The following PRKN variants were observed in gnomAD, a reference collection of about 807,000 sequenced individuals.
PRKN encodes parkin RBR E3 ubiquitin protein ligase.
A neutral mutation model predicts 59.5 loss-of-function variants in PRKN; 56 were observed. The ratio of observed to expected loss-of-function variants is 0.94; its 90% confidence interval spans 0.76 to 1.18. The LOEUF (loss-of-function observed/expected upper bound fraction) is 1.18. Ranked by LOEUF, PRKN falls within the 50% of genes most tolerant of loss-of-function variation. The pLI, the probability that PRKN is intolerant of heterozygous loss-of-function variation, is 0.00. For missense variants in PRKN, 657 were observed against 596.4 expected (o/e 1.10, Z -1.06); for synonymous variants, 250 against 222.1 (o/e 1.13, Z -1.12).
intron 9 of PRKN, among the ~76,000 whole-genome samples, chr6:161,450,702 GCC>G (rs1482187741): frequency 1.6e-4 from 24 of 152,046 alleles, no homozygotes; most frequent in African/African-American, 5.5e-4. Flanking sequence ...GACTACAGGT[GCC>G]CGCCACCACA....
intron 1 of PRKN, among the ~76,000 whole-genome samples, chr6:162,607,596 T>C (rs898366959): frequency 2.6e-5 from 4 of 151,498 alleles, no homozygotes; most frequent in African/African-American, 9.7e-5. Context: ...ATGGAAAACA[T>C]CCCACTGATA....
intron 4 of PRKN, among the ~76,000 whole-genome samples, chr6:162,140,447 A>G (rs761694740): frequency 5.3e-5 from 8 of 152,224 alleles, no homozygotes; most frequent in Non-Finnish European, 1.0e-4. Context: ...GAAGAAAAGC[A>G]ATCGTGACAA....
At chr6:161,755,882 A>G (rs539902675) in intron 7 of PRKN, among the ~76,000 whole-genome samples, 7 of 152,242 alleles carry the variant, frequency 4.6e-5, no homozygotes, top group Non-Finnish European at 1.0e-4. Context: ...ACAGGCCAGC[A>G]CAAGTGGCTA....
At position 161,498,989 on chromosome 6, in the gene PRKN, C is replaced by T. The variant is rs552324467; in HGVS notation, c.1083+49865G>A. Among the ~76,000 whole-genome samples the T allele has an allele frequency of 2.0e-5, 3 of 152,186 alleles. No individual in the cohort carries two copies. Among genetic ancestry groups the T allele is most frequent in the East Asian group, 3.9e-4 (2 of 5,172 alleles). On this transcript the variant is annotated intron_variant, in intron 9 of 11. Transcript: ENST00000366898. The surrounding 1 kb of genome is among the most constrained non-coding windows in gnomAD (Gnocchi z 4.2). ...CTTCTTTATCTTCTACTGAAGCCCC[C>T]GATGCTTTGCAACCTCCGCACATTT...
intron 9 of PRKN, among the ~76,000 whole-genome samples, chr6:161,408,770 A>G (rs1055810621): frequency 6.6e-6 from 1 of 152,114 alleles, no homozygotes; most frequent in Non-Finnish European, 1.5e-5. Context: ...GCATTAAAAA[A>G]GAATCCACAA....
At chr6:161,496,546 A>G (rs1448669589) in intron 9 of PRKN, among the ~76,000 whole-genome samples, 5 of 152,024 alleles carry the variant, frequency 3.3e-5, no homozygotes, top group Non-Finnish European at 7.4e-5. Flanking sequence ...TGTGCAGGGG[A>G]CCTCCCCTTT....
At chr6:161,873,722 T>A (rs1328318198) in intron 6 of PRKN, among the ~76,000 whole-genome samples, 1 of 151,634 alleles carries the variant, frequency 6.6e-6, no homozygotes, top group African/African-American at 2.4e-5. Context: ...CAAAAAAAAT[T>A]CCTGTTTCCC....
intron 9 of PRKN, among the ~76,000 whole-genome samples, chr6:161,455,009 G>T (rs533563799): frequency 6.6e-6 from 1 of 151,160 alleles, no homozygotes; most frequent in East Asian, 1.9e-4. Context: ...TTCTTGAGAC[G>T]ATGGACTGTC....
intron 7 of PRKN, among the ~76,000 whole-genome samples, chr6:161,768,978 G>A (rs905933647): frequency 6.6e-6 from 1 of 152,104 alleles, no homozygotes; most frequent in Admixed American, 6.6e-5. Flanking sequence ...CTGGTTTTGT[G>A]CAATAGATCT....
intron 7 of PRKN, among the ~76,000 whole-genome samples, chr6:161,634,400 T>G (rs1163487472): frequency 6.6e-6 from 1 of 152,190 alleles, no homozygotes; most frequent in African/African-American, 2.4e-5. Context: ...GGCTCAGCAC[T>G]GACCTGTGGC....
chr6:162,485,039 G>A (rs141656614), intron 1 of PRKN, among the ~76,000 whole-genome samples: 82 of 152,232 alleles, frequency 5.4e-4, no homozygotes, highest in African/African-American at 1.8e-3. Flanking sequence ...TTATTAATGT[G>A]AATGTAAATT....
At chr6:161,651,326 C>T (rs911177760) in intron 7 of PRKN, among the ~76,000 whole-genome samples, 4 of 152,298 alleles carry the variant, frequency 2.6e-5, no homozygotes, top group South Asian at 2.1e-4. Context: ...GCAAACACCA[C>T]GGACCATGTC....
At chr6:162,126,380 T>G (rs960279007) in intron 4 of PRKN, among the ~76,000 whole-genome samples, 7 of 152,218 alleles carry the variant, frequency 4.6e-5, no homozygotes, top group Non-Finnish European at 7.3e-5. Flanking sequence ...GGATTGTTAC[T>G]TATCCTTTAA....
intron 1 of PRKN, among the ~76,000 whole-genome samples, chr6:162,512,887 A>C (rs1777690435): frequency 6.6e-6 from 1 of 152,200 alleles, no homozygotes. Context: ...GTGATAAAAG[A>C]TCAGTCTAGC....
At chr6:162,681,557 T>C (rs532776220) in intron 1 of PRKN, among the ~76,000 whole-genome samples, 67 of 152,322 alleles carry the variant, frequency 4.4e-4, no homozygotes, top group African/African-American at 1.5e-3. Flanking sequence ...GTGTGACCTT[T>C]GTAACTTTTC....
In PRKN at chr6:161,423,816, A is replaced by T. The variant is rs960363980; in HGVS notation, c.1084-36939T>A. Among the ~76,000 whole-genome samples the T allele has an allele frequency of 6.6e-6, 1 of 152,178 alleles. No individual in the cohort carries two copies. The highest frequency in any genetic ancestry group is 1.5e-5 in the Non-Finnish European group (1 of 68,038). ...GAGGGGACTCTGCCTAGGTCTCATCATTGTGTATGAATTGACAGAACAGTG... is the reference window on the plus strand; with the variant it reads ...GAGGGGACTCTGCCTAGGTCTCATCTTTGTGTATGAATTGACAGAACAGTG... On this transcript the variant is annotated intron_variant, in intron 9 of 11. Coordinates refer to ENST00000366898, the MANE Select transcript of PRKN (RefSeq NM_004562.3). The surrounding 1 kb of genome is among the most constrained non-coding windows in gnomAD (Gnocchi z 5.9).
At chr6:161,784,480 A>G (rs1329140194) in intron 7 of PRKN, among the ~76,000 whole-genome samples, 3 of 152,232 alleles carry the variant, frequency 2.0e-5, no homozygotes, top group African/African-American at 7.2e-5. Flanking sequence ...ATGAGCAAAG[A>G]AAGGACTTGA....
chr6:161,903,911 T>C (rs906593602), intron 6 of PRKN, among the ~76,000 whole-genome samples: 2 of 151,950 alleles, frequency 1.3e-5, no homozygotes, highest in Non-Finnish European at 2.9e-5. Context: ...GGCTGCAGTT[T>C]CGTCTGCAGG....
intron 3 of PRKN, among the ~76,000 whole-genome samples, chr6:162,244,094 A>G (rs1002971939): frequency 3.3e-5 from 5 of 152,122 alleles, no homozygotes; most frequent in Non-Finnish European, 1.5e-5. Flanking sequence ...AACAAGCAGA[A>G]TGTAAACAAC....
Sources: allele counts gnomAD v4.1 joint callset (sites outside exome capture counted in the v4.1 genomes callset), GRCh38; gene constraint gnomAD v4.1.1; non-coding constraint Gnocchi (gnomAD v3.1); transcripts MANE v1.5; gene names NCBI Gene and HGNC (gene_info 2026-07-23, HGNC 2026-07-21).